The following CHSY3 variants were observed in gnomAD, a reference collection of about 807,000 sequenced individuals.
The protein encoded by CHSY3 is chondroitin sulfate synthase 3.
A neutral mutation model predicts 67.2 loss-of-function variants in CHSY3; 35 were observed. The observed-to-expected ratio is 0.52, with a 90% CI of 0.40 to 0.69. The LOEUF (loss-of-function observed/expected upper bound fraction) is 0.69. Ranked by LOEUF, CHSY3 falls within the 30% of genes least tolerant of loss-of-function variation. The probability of loss-of-function intolerance (pLI) is 0.00; values close to 1 mark genes in which losing one functional copy is unlikely to be tolerated. For missense variants in CHSY3, 1,069 were observed against 1,138.5 expected, an observed-to-expected ratio of 0.94 and a Z score of 0.88; for synonymous variants, 474 against 434.7, an observed-to-expected ratio of 1.09 and a Z score of -1.12.
At chr5:130,110,322 A>T (rs1482190168) in intron 2 of CHSY3, among the ~76,000 whole-genome samples, 2 of 151,974 alleles carry the variant, frequency 1.3e-5, no homozygotes, top group Admixed American at 6.6e-5. Flanking sequence ...TCTGTTTTAG[A>T]TGCAATGGTT....
chr5:129,918,081 C>T (rs1760790917), intron 2 of CHSY3, among the ~76,000 whole-genome samples: 1 of 152,140 alleles, frequency 6.6e-6, no homozygotes, highest in South Asian at 2.1e-4. Context: ...CTTGTCTGGC[C>T]TGTTACTCGT....
chr5:129,909,825 TA>T (rs1187240184), intron 2 of CHSY3, among the ~76,000 whole-genome samples: 2 of 151,968 alleles, frequency 1.3e-5, no homozygotes, highest in Non-Finnish European at 2.9e-5. Context: ...CATGGATAAG[TA>T]AAAAAATATT....
chr5:129,953,089 T>C (rs926244006), intron 2 of CHSY3, among the ~76,000 whole-genome samples: 1 of 152,110 alleles, frequency 6.6e-6, no homozygotes, highest in African/African-American at 2.4e-5. Context: ...CATCAACCCG[T>C]CATCTACAGT....
intron 2 of CHSY3, among the ~76,000 whole-genome samples, chr5:130,115,587 G>T (rs536787301): frequency 6.6e-6 from 1 of 152,112 alleles, no homozygotes; most frequent in African/African-American, 2.4e-5. Context: ...TTAAACAAAC[G>T]ATTCAGCCAT....
intron 2 of CHSY3, among the ~76,000 whole-genome samples, chr5:130,015,218 C>T (rs1362418701): frequency 3.3e-5 from 5 of 152,088 alleles, no homozygotes; most frequent in Non-Finnish European, 7.4e-5. Context: ...GCTGGCTTCC[C>T]CTTCACCTTT....
chr5:130,058,006 G>C (rs1178530593), intron 2 of CHSY3, among the ~76,000 whole-genome samples: 1 of 151,874 alleles, frequency 6.6e-6, no homozygotes, highest in Non-Finnish European at 1.5e-5. Context: ...CAAATATTTA[G>C]TTATATTTGA....
chr5:130,162,634 A>C (rs1233524778), intron 2 of CHSY3, among the ~76,000 whole-genome samples: 1 of 152,186 alleles, frequency 6.6e-6, no homozygotes, highest in Non-Finnish European at 1.5e-5. Flanking sequence ...TTCTGGGCTC[A>C]AGAGATTCTC....
At chr5:130,131,701 G>A (rs147281862) in intron 2 of CHSY3, among the ~76,000 whole-genome samples, 1 of 152,242 alleles carries the variant, frequency 6.6e-6, no homozygotes, top group Non-Finnish European at 1.5e-5. Flanking sequence ...ACAGGTTGCA[G>A]TTCAAAGGCC....
rs142869179 is a variant in CHSY3 at position 130,057,970 on chromosome 5, A to T, written c.1087-126259A>T. On this transcript the variant is annotated intron_variant, in intron 2 of 2. Coordinates refer to ENST00000305031, the MANE Select transcript of CHSY3 (RefSeq NM_175856.5). ...TCTGTTCAACTTTCTTCTCAGATGT[A>T]TCTTTGTTTCCTATTTCCCCAATCT... Among the ~76,000 whole-genome samples the T allele has an allele frequency of 2.1e-3, 313 of 152,160 alleles. 3 individuals are homozygous for T. The highest frequency in any genetic ancestry group is 6.9e-3 in the African/African-American group (286 of 41,510).
intron 2 of CHSY3, among the ~76,000 whole-genome samples, chr5:130,089,299 C>T (rs913059068): frequency 2.0e-5 from 3 of 150,748 alleles, no homozygotes; most frequent in African/African-American, 7.3e-5. Context: ...GTGCAGCACA[C>T]CAGCATGGCA....
intron 2 of CHSY3, among the ~76,000 whole-genome samples, chr5:129,993,856 T>C (rs974429278): frequency 4.6e-5 from 7 of 151,806 alleles, no homozygotes; most frequent in African/African-American, 1.4e-4. Flanking sequence ...TACTGGTTGT[T>C]CCTTTCCATG....
intron 2 of CHSY3, among the ~76,000 whole-genome samples, chr5:130,179,104 T>C (rs1341199003): frequency 1.3e-5 from 2 of 152,216 alleles, no homozygotes; most frequent in Non-Finnish European, 2.9e-5. Flanking sequence ...ACTGTCCTCA[T>C]TGAGTTCAAT....
intron 2 of CHSY3, among the ~76,000 whole-genome samples, chr5:130,174,623 CAACAACTACAAAGAT>C (rs1769989576): frequency 6.6e-6 from 1 of 152,002 alleles, no homozygotes; most frequent in Admixed American, 6.6e-5. Flanking sequence ...AAACAAATTT[CAACAACTACAAAGAT>C]AACAACTACA....
chr5:130,049,892 C>G (rs935818495), intron 2 of CHSY3, among the ~76,000 whole-genome samples: 3 of 151,806 alleles, frequency 2.0e-5, no homozygotes, highest in African/African-American at 7.3e-5. Context: ...AAGGGGATCA[C>G]CATTTTGCTC....
intron 2 of CHSY3, among the ~76,000 whole-genome samples, chr5:130,169,755 T>C (rs1263671163): frequency 6.6e-6 from 1 of 151,368 alleles, no homozygotes; most frequent in Non-Finnish European, 1.5e-5. Flanking sequence ...ATTAGTTAAA[T>C]AAGAATCTAC....
At chr5:130,161,372 T>A (rs1023041367) in intron 2 of CHSY3, among the ~76,000 whole-genome samples, 3 of 152,250 alleles carry the variant, frequency 2.0e-5, no homozygotes, top group Non-Finnish European at 4.4e-5. Context: ...ACCACTCCCT[T>A]ACATTACTCA....
At chr5:130,001,959 T>A (rs1441201836) in intron 2 of CHSY3, 11 of 854,480 alleles carry the variant, frequency 1.3e-5, no homozygotes, top group Non-Finnish European at 1.5e-5. Context: ...TGTCAGCCAA[T>A]CCTTATATTG....
chr5:130,143,734 GTATATATATA>G (rs372062970), intron 2 of CHSY3, among the ~76,000 whole-genome samples: 1 of 94,662 alleles, frequency 1.1e-5, no homozygotes, highest in African/African-American at 4.4e-5. Context: ...GTGTGTGTGT[GTATATATATA>G]TATATATATA....
intron 2 of CHSY3, among the ~76,000 whole-genome samples, chr5:129,908,938 C>T (rs1332372430): frequency 1.3e-5 from 2 of 151,970 alleles, no homozygotes; most frequent in African/African-American, 4.8e-5. Flanking sequence ...CTTAGGCATA[C>T]AAAAGGAATG....
Sources: allele counts gnomAD v4.1 joint callset (sites outside exome capture counted in the v4.1 genomes callset), GRCh38; gene constraint gnomAD v4.1.1; transcripts MANE v1.5; gene names NCBI Gene and HGNC (gene_info 2026-07-23, HGNC 2026-07-21).